The following GTF2B variants were observed in gnomAD, a reference collection of about 807,000 sequenced individuals.
GTF2B encodes transcription initiation factor IIB.
A neutral mutation model predicts 34.6 loss-of-function variants in GTF2B; 20 were observed. The ratio of observed to expected loss-of-function variants is 0.58; its 90% CI spans 0.41 to 0.84. GTF2B has a LOEUF of 0.84. GTF2B is among the 40% of genes least tolerant of loss of function. GTF2B has a pLI of 0.00. For missense variants in GTF2B, 237 were observed against 393.3 expected, an observed-to-expected ratio of 0.60 and a Z score of 3.36; for synonymous variants, 142 against 132.4, an observed-to-expected ratio of 1.07 and a Z score of -0.50.
At chr1:88,883,547 G>A (rs926909257) in intron 2 of GTF2B, among the ~76,000 whole-genome samples, 12 of 150,974 alleles carry the variant, frequency 7.9e-5, no homozygotes, top group African/African-American at 2.9e-4. Context: ...GACCCTATCT[G>A]TACCAAAAAA....
At chr1:88,866,504 G>A (rs967711855) in intron 2 of GTF2B, among the ~76,000 whole-genome samples, 1 of 152,048 alleles carries the variant, frequency 6.6e-6, no homozygotes, top group Non-Finnish European at 1.5e-5. Flanking sequence ...TGCCTCTGGG[G>A]CTCAAGCAAT....
intron 2 of GTF2B, among the ~76,000 whole-genome samples, chr1:88,867,904 G>A (rs976106335): frequency 3.3e-5 from 5 of 152,130 alleles, no homozygotes; most frequent in African/African-American, 9.7e-5. Context: ...TAAATGACTC[G>A]TTCAAGAATC....
chr1:88,888,846 TTGA>T (rs1229912093), intron 1 of GTF2B, among the ~76,000 whole-genome samples: 1 of 151,944 alleles, frequency 6.6e-6, no homozygotes, highest in Admixed American at 6.6e-5. Context: ...GCCAAATGAA[TTGA>T]TGGAGTTAGA....
Position 88,891,546 on chromosome 1 carries a change from G to A in GTF2B, c.-47C>T, listed in dbSNP as rs368877819. 46 of 1,566,430 alleles carry A rather than the reference G, an allele frequency of 2.9e-5. No homozygotes were observed. Among genetic ancestry groups the A allele is most frequent in the African/African-American group, 1.5e-4 (11 of 73,864 alleles). The stretch of plus-strand genomic sequence containing the variant: ...CGCAACAAGACACAACAGACACACC[G>A]AAAGCAGGAAGCGAATGTGGCGAAG... On this transcript the variant is annotated 5_prime_UTR_variant, in exon 1 of 7. Coordinates refer to ENST00000370500, the MANE Select transcript of GTF2B (RefSeq NM_001514.6).
At chr1:88,870,839 G>GAT (rs1673674798) in intron 2 of GTF2B, among the ~76,000 whole-genome samples, 1 of 150,250 alleles carries the variant, frequency 6.7e-6, no homozygotes, top group South Asian at 2.1e-4. Flanking sequence ...ATAGGAGTAA[G>GAT]TGTTGAGTTT....
chr1:88,885,192 A>C (rs1007304917), intron 2 of GTF2B, among the ~76,000 whole-genome samples: 4 of 152,202 alleles, frequency 2.6e-5, no homozygotes, highest in Non-Finnish European at 4.4e-5. Context: ...TAATCCCAGC[A>C]CTTTGGGAGG....
chr1:88,864,722 A>C (rs1487904693), intron 2 of GTF2B, among the ~76,000 whole-genome samples: 1 of 152,194 alleles, frequency 6.6e-6, no homozygotes, highest in Non-Finnish European at 1.5e-5. Context: ...TGTCCAATAA[A>C]AGCAGACACA....
chr1:88,872,750 A>G (rs1673725459), intron 2 of GTF2B, among the ~76,000 whole-genome samples: 1 of 152,048 alleles, frequency 6.6e-6, no homozygotes, highest in African/African-American at 2.4e-5. Context: ...TGCTTTACTG[A>G]TTTAGTTTTT....
At chr1:88,874,494 TA>T (rs1249639308) in intron 2 of GTF2B, among the ~76,000 whole-genome samples, 15 of 112,338 alleles carry the variant, frequency 1.3e-4, no homozygotes, top group African/African-American at 5.5e-4. Flanking sequence ...CACAGCTAAT[TA>T]AATTTTTTTT....
Position 88,853,302 on chromosome 1 carries a change from ACTGT to A in GTF2B, c.858_861del (p.Arg286SerfsTer5). ...GCTCGAGGATAGATCAGTCTATAGG[ACTGT>A]CTGATTGTAACATCAGCAACACCAG... On this transcript the variant is annotated frameshift_variant, in exon 7 of 7. Coordinates refer to ENST00000370500, the MANE Select transcript of GTF2B (RefSeq NM_001514.6). LOFTEE classifies it high-confidence loss of function. 6.2e-7 allele frequency: 1 copy of A among 1,611,392 alleles called. No individual in the cohort carries two copies. Among genetic ancestry groups the A allele is most frequent in the Non-Finnish European group, 8.5e-7 (1 of 1,177,502 alleles).
chr1:88,879,047 G>A (rs1310830585), intron 2 of GTF2B, among the ~76,000 whole-genome samples: 1 of 152,086 alleles, frequency 6.6e-6, no homozygotes, highest in Non-Finnish European at 1.5e-5. Flanking sequence ...TAAGTTTTGA[G>A]GTAGTTTGTA....
intron 1 of GTF2B, chr1:88,887,585 T>C (rs759172775): frequency 5.1e-5 from 24 of 466,418 alleles, no homozygotes; most frequent in South Asian, 4.8e-4. Flanking sequence ...TCTTATTTTA[T>C]TGTGGAAGGC....
intron 3 of GTF2B, among the ~76,000 whole-genome samples, chr1:88,861,469 AGCCTGAT>A (rs1265496489): frequency 1.3e-5 from 2 of 152,056 alleles, no homozygotes; most frequent in Non-Finnish European, 2.9e-5. Flanking sequence ...GTGTGAGACC[AGCCTGAT>A]GATCACGGAG....
Position 88,891,515 on chromosome 1 carries a change from G to T in GTF2B, c.-16C>A, listed in dbSNP as rs1017954308. The stretch of plus-strand genomic sequence containing the variant: ...TAGACGCCATCTTCACGGCGACTGC[G>T]GTGCCCGCAACAAGACACAACAGAC... On this transcript the variant is annotated 5_prime_UTR_variant, in exon 1 of 7. Transcript: ENST00000370500. 6.2e-7 allele frequency: 1 copy of T among 1,601,222 alleles called. No individual in the cohort carries two copies. The highest frequency in any genetic ancestry group is 1.7e-5 in the Admixed American group (1 of 58,480).
intron 2 of GTF2B, among the ~76,000 whole-genome samples, chr1:88,878,250 G>A: frequency 6.6e-6 from 1 of 152,146 alleles, no homozygotes; most frequent in South Asian, 2.1e-4. Context: ...CTCCAGCCTG[G>A]GGAACAGGGT....
At chr1:88,872,028 C>T (rs1673704906) in intron 2 of GTF2B, among the ~76,000 whole-genome samples, 1 of 152,296 alleles carries the variant, frequency 6.6e-6, no homozygotes, top group East Asian at 1.9e-4. Context: ...CAATTGCGTC[C>T]AGCCCAGAAG....
At chr1:88,887,518 C>T (rs1674103492) in intron 1 of GTF2B, 151 bp from the exon 2 acceptor site, 5 of 602,410 alleles carry the variant, frequency 8.3e-6, no homozygotes, top group South Asian at 7.2e-5. Context: ...AAGTAAACAT[C>T]CCAGTTAGGT....
intron 3 of GTF2B, 98 bp downstream of exon 3, chr1:88,863,882 TC>T: frequency 2.0e-6 from 2 of 983,406 alleles, no homozygotes; most frequent in Non-Finnish European, 3.2e-6. Context: ...AGGTCAAGAT[TC>T]CCCACTGGTG....
intron 2 of GTF2B, among the ~76,000 whole-genome samples, chr1:88,870,049 TC>T (rs1022119996): frequency 1.2e-4 from 19 of 152,050 alleles, no homozygotes; most frequent in African/African-American, 4.6e-4. Flanking sequence ...TGCCTCAGCC[TC>T]CCGAGTAGCT....
Sources: allele counts gnomAD v4.1 joint callset (sites outside exome capture counted in the v4.1 genomes callset), GRCh38; gene constraint gnomAD v4.1.1; transcripts MANE v1.5; gene names NCBI Gene and HGNC (gene_info 2026-07-23, HGNC 2026-07-21).